Variants in SLC14A1 observed in about 807,000 individuals in gnomAD.
The protein encoded by SLC14A1 is solute carrier family 14 member 1 (Kidd blood group).
SLC14A1 carries 36 observed loss-of-function variants against 39.6 expected under a neutral mutation model. That is an observed-to-expected ratio of 0.91 (90% confidence interval 0.70 to 1.20). The LOEUF (loss-of-function observed/expected upper bound fraction) is 1.20, where lower values mean the gene tolerates loss of function less well. SLC14A1 is among the 50% of genes most tolerant of loss of function. SLC14A1 has a pLI of 0.00. For synonymous variants in SLC14A1, 164 were observed against 173.6 expected (o/e 0.94, Z 0.43); for missense variants, 469 against 478.7 (o/e 0.98, Z 0.19).
chr18:45,742,673 GT>G (rs2047418199), intron 8 of SLC14A1, among the ~76,000 whole-genome samples: 3 of 36,710 alleles, frequency 8.2e-5, no homozygotes, highest in African/African-American at 2.4e-4. Context: ...TGAGTTTTTT[GT>G]TTTATGTTGT....
chr18:45,740,513 T>G (rs2047337150), intron 8 of SLC14A1, among the ~76,000 whole-genome samples: 1 of 99,398 alleles, frequency 1.0e-5, no homozygotes. Context: ...AGAGCAAGAC[T>G]TCATCTCAAA....
intron 8 of SLC14A1, among the ~76,000 whole-genome samples, chr18:45,740,740 G>C (rs2047350239): frequency 6.6e-6 from 1 of 151,984 alleles, no homozygotes; most frequent in South Asian, 2.1e-4. Flanking sequence ...GTCTCCCTAT[G>C]TTACCCAGGC....
chr18:45,736,188 T>A (rs1199004534), intron 5 of SLC14A1, among the ~76,000 whole-genome samples: 2 of 152,222 alleles, frequency 1.3e-5, no homozygotes, highest in Admixed American at 6.5e-5. Flanking sequence ...AAAATATTTT[T>A]AAAATCTCAA....
At chr18:45,747,087 T>C (rs949710797) in intron 8 of SLC14A1, 4 of 152,212 alleles carry the variant, frequency 2.6e-5, no homozygotes, top group African/African-American at 7.2e-5. Context: ...TCTCCCACCA[T>C]GTCTGCCACA....
intron 8 of SLC14A1, among the ~76,000 whole-genome samples, chr18:45,742,876 T>C (rs929173609): frequency 3.3e-5 from 5 of 150,598 alleles, no homozygotes; most frequent in South Asian, 2.1e-4. Flanking sequence ...TTAGTAGAGA[T>C]GGGGTTTCAC....
Position 45,739,651 on chromosome 18 carries a change from C to T in SLC14A1, c.935C>T (p.Ala312Val), listed in dbSNP as rs1386706849. The stretch of plus-strand genomic sequence containing the variant: ...CTCACCTGGCAAACCCACCTCCTGG[C>T]TCTTGGCTGTGGTGAGTCTCCCACG... The part of the protein sequence containing the change: ...MALTWQTHLL[A>V]LGCALFTAYL... The change falls in exon 8 of 10, where the codon GCT (alanine) becomes GTT (valine). Residue 312 changes from alanine to valine, a missense_variant. By Grantham distance (64) the Ala-to-Val change is moderately conservative. Coordinates refer to ENST00000321925, the MANE Select transcript of SLC14A1 (RefSeq NM_015865.7). The T allele has an allele frequency of 1.2e-6, 2 of 1,614,084 alleles. No individual in the cohort carries two copies. Among genetic ancestry groups the T allele is most frequent in the East Asian group, 2.2e-5 (1 of 44,884 alleles).
intron 8 of SLC14A1, among the ~76,000 whole-genome samples, chr18:45,744,755 C>T (rs1355426222): frequency 6.6e-6 from 1 of 152,058 alleles, no homozygotes; most frequent in Admixed American, 6.6e-5. Flanking sequence ...AATTTTTCCC[C>T]TCTCCTTCTG....
chr18:45,733,568 C>T (rs1223527581), intron 4 of SLC14A1, among the ~76,000 whole-genome samples: 5 of 152,248 alleles, frequency 3.3e-5, no homozygotes, highest in South Asian at 2.1e-4. Flanking sequence ...ATGCTAAAAG[C>T]GCTCTTCAAG....
chr18:45,739,364 G>A, intron 7 of SLC14A1, 54 bp downstream of exon 7: 1 of 1,612,854 alleles, frequency 6.2e-7, no homozygotes, highest in South Asian at 1.1e-5. Context: ...CCCATGCATT[G>A]CCTCAGGCAT....
At chr18:45,735,623 G>A (rs1245693756) in intron 5 of SLC14A1, among the ~76,000 whole-genome samples, 2 of 152,190 alleles carry the variant, frequency 1.3e-5, no homozygotes, top group East Asian at 1.9e-4. Flanking sequence ...GTCTGCAGAA[G>A]GGATGCCCAC....
At chr18:45,736,722 G>T (rs906431708) in intron 6 of SLC14A1, 74 bp downstream of exon 6, 1 of 1,288,768 alleles carries the variant, frequency 7.8e-7, no homozygotes, top group Non-Finnish European at 1.1e-6. Context: ...AACTGTCCAC[G>T]GGTGTCAGAG....
intron 8 of SLC14A1, among the ~76,000 whole-genome samples, chr18:45,740,376 C>T (rs984177879): frequency 5.9e-5 from 9 of 152,082 alleles, no homozygotes; most frequent in Non-Finnish European, 8.8e-5. Flanking sequence ...AAACACAAAT[C>T]GCTGGGCCCC....
intron 9 of SLC14A1, among the ~76,000 whole-genome samples, chr18:45,749,143 GTT>G (rs11302950): frequency 6.6e-6 from 1 of 151,122 alleles, no homozygotes; most frequent in African/African-American, 2.4e-5. Context: ...GAACATCTGT[GTT>G]TTTTTTTAAC....
Position 45,736,594 on chromosome 18 carries a change from C to T in SLC14A1, c.609C>T (p.Val203=), listed in dbSNP as rs144324186. The T allele has an allele frequency of 2.1e-5, 34 of 1,614,180 alleles. No homozygotes were observed. Among genetic ancestry groups the T allele is most frequent in the Admixed American group, 3.3e-5 (2 of 60,032 alleles). Residue 203 remains valine (V), a synonymous_variant, in exon 6 of 10, where the codon GTC becomes GTT. Transcript: ENST00000321925. ...ATCCATTCTTTCCAGCCAAACTGGT[C>T]ATACCTATAACTACAGCTCCAAATA... is the stretch of plus-strand genomic sequence containing the variant. The part of the protein sequence containing the change: ...HYNPFFPAKL[V]IPITTAPNIS...
At chr18:45,749,686 CT>C in intron 9 of SLC14A1, 91 bp from the exon 10 acceptor site, 2 of 1,467,026 alleles carry the variant, frequency 1.4e-6, no homozygotes, top group Non-Finnish European at 1.9e-6. Flanking sequence ...GTTCATCCCC[CT>C]GGGCTGAATG....
chr18:45,745,441 C>T (rs1487466693), intron 8 of SLC14A1, among the ~76,000 whole-genome samples: 2 of 152,048 alleles, frequency 1.3e-5, no homozygotes, highest in African/African-American at 2.4e-5. Flanking sequence ...AAAAAGGGGT[C>T]CCCTGCCACA....
intron 4 of SLC14A1, among the ~76,000 whole-genome samples, chr18:45,732,120 A>G (rs935248577): frequency 2.6e-5 from 4 of 152,208 alleles, no homozygotes; most frequent in Non-Finnish European, 5.9e-5. Context: ...GCCATACTGA[A>G]TATTCCTTTA....
rs774982134 is a variant in SLC14A1, at chr18:45,749,779, T to A, written c.998T>A (p.Val333Asp). The stretch of plus-strand genomic sequence containing the variant: ...GTGTGGCTTTCTCTTCTTCCCCAGG[T>A]TGGATTGCCAGCTTGTACCTGGCCC... ...GVGMANFMAE[V>D]GLPACTWPFC... Residue 333 changes from valine (V) to aspartate (D), a missense_variant and splice_region_variant, in exon 10 of 10, where the codon GTT becomes GAT. Transcript: ENST00000321925. 12 of 1,614,196 alleles carry A rather than the reference T, an allele frequency of 7.4e-6. No individual in the cohort carries two copies. The highest frequency in any genetic ancestry group is 1.6e-4 in the Middle Eastern group (1 of 6,062).
chr18:45,737,506 CTT>C (rs2047231806), intron 6 of SLC14A1: 1 of 152,208 alleles, frequency 6.6e-6, no homozygotes, highest in Admixed American at 6.5e-5. Flanking sequence ...ATGAAACGCC[CTT>C]TTGTCTTCTT....
Sources: allele counts gnomAD v4.1 joint callset (sites outside exome capture counted in the v4.1 genomes callset), GRCh38; gene constraint gnomAD v4.1.1; transcripts MANE v1.5; gene names NCBI Gene and HGNC (gene_info 2026-07-23, HGNC 2026-07-21).